The following STX18 variants were observed in gnomAD, a reference collection of about 807,000 sequenced individuals.
STX18 encodes syntaxin 18.
A neutral mutation model predicts 50.1 loss-of-function variants in STX18; 40 were observed. The observed-to-expected ratio is 0.80, with a 90% CI of 0.62 to 1.04. STX18 has a LOEUF of 1.04. STX18 is among the 50% of genes least tolerant of loss of function. The pLI is 0.00. For synonymous variants in STX18, 158 were observed against 151.8 expected (o/e 1.04, Z -0.30); for missense variants, 410 against 415.8 (o/e 0.99, Z 0.12).
rs920916744 is a variant in STX18 at position 4,459,381 on chromosome 4, G to A, written c.343C>T (p.Arg115Ter). The A allele has an allele frequency of 3.1e-6, 5 of 1,612,964 alleles. No homozygotes were observed. The highest frequency in any genetic ancestry group is 4.5e-5 in the East Asian group (2 of 44,886). The change falls in exon 3 of 11, where the codon CGA (arginine) becomes TGA (stop). Residue 115 changes from arginine (R) to a stop codon, truncating the protein, a stop_gained. Transcript: ENST00000306200. LOFTEE classifies it high-confidence loss of function. ...RTCSEAIQQL[R>*]TEAHKEIHSQ... ...TTTCAGAGCACTTTACCTTCTGTTCGTAGTTGCTGAATTGCTTCTGAACAG... is the reference window on the plus strand; with the variant it reads ...TTTCAGAGCACTTTACCTTCTGTTCATAGTTGCTGAATTGCTTCTGAACAG...
In STX18 at chr4:4,507,661, A is replaced by C; in HGVS notation, c.168+34136T>G. 3 of 795,880 alleles carry C rather than the reference A, an allele frequency of 3.8e-6. No individual in the cohort carries two copies. In the South Asian group the frequency reaches 4.0e-5, roughly 11 times the overall value. The allele number at this position is 795,880 out of a possible 1,614,324, so 49.3% of individuals were successfully genotyped here. ...GTGAACTGGATGGCAGCCGGCTCAT[A>C]AAGGTTCGTTTGGACAAAGCCCAGC... On this transcript the variant is annotated intron_variant, in intron 1 of 10. Transcript: ENST00000306200.
At chr4:4,452,191 A>G (rs1230062764) in intron 5 of STX18, among the ~76,000 whole-genome samples, 3 of 152,204 alleles carry the variant, frequency 2.0e-5, no homozygotes, top group Non-Finnish European at 4.4e-5. Context: ...GGAAGCTGCA[A>G]AAGAAAAGTT....
At chr4:4,425,809 T>C (rs559923847) in intron 7 of STX18, 2 of 152,830 alleles carry the variant, frequency 1.3e-5, no homozygotes, top group Non-Finnish European at 2.9e-5. Flanking sequence ...ACGGGTGCCC[T>C]GACACCAGGG....
intron 7 of STX18, among the ~76,000 whole-genome samples, chr4:4,429,197 G>A (rs1460968341): frequency 6.6e-6 from 1 of 152,154 alleles, no homozygotes. Context: ...ATGAACATAT[G>A]CTGAAGGGCT....
intron 7 of STX18, among the ~76,000 whole-genome samples, chr4:4,431,867 C>G (rs1319324083): frequency 2.6e-5 from 4 of 152,200 alleles, no homozygotes. Context: ...CTCCTCATCT[C>G]TCAACCTGAC....
chr4:4,457,895 G>A (rs1052708818), intron 3 of STX18, among the ~76,000 whole-genome samples: 1 of 152,086 alleles, frequency 6.6e-6, no homozygotes, highest in Non-Finnish European at 1.5e-5. Flanking sequence ...AGCCTGTAGT[G>A]CCCCATCCTC....
chr4:4,514,647 C>T (rs1730155937), intron 1 of STX18, among the ~76,000 whole-genome samples: 2 of 152,034 alleles, frequency 1.3e-5, no homozygotes, highest in Admixed American at 6.6e-5. Flanking sequence ...GTCTTTGATC[C>T]GAAGGAGCTT....
intron 1 of STX18, among the ~76,000 whole-genome samples, chr4:4,484,545 T>C (rs1728617331): frequency 6.6e-6 from 1 of 152,092 alleles, no homozygotes; most frequent in African/African-American, 2.4e-5. Context: ...AAATCATCAT[T>C]CAAAAAATGA....
chr4:4,460,776 A>G (rs1272231021), intron 2 of STX18, among the ~76,000 whole-genome samples: 1 of 152,156 alleles, frequency 6.6e-6, no homozygotes, highest in African/African-American at 2.4e-5. Flanking sequence ...GATGGCAACC[A>G]TGAGAGAATG....
At chr4:4,511,735 T>C in intron 1 of STX18, among the ~76,000 whole-genome samples, 1 of 150,354 alleles carries the variant, frequency 6.7e-6, no homozygotes, top group South Asian at 2.1e-4. Flanking sequence ...TGTGTGTGTG[T>C]GTGTGTGTGT....
intron 1 of STX18, among the ~76,000 whole-genome samples, chr4:4,503,382 G>C (rs1182965864): frequency 2.0e-5 from 3 of 152,140 alleles, no homozygotes; most frequent in Admixed American, 6.5e-5. Flanking sequence ...TGATAAAATA[G>C]TGTATTTTTA....
chr4:4,523,182 C>T (rs1403775480), intron 1 of STX18, among the ~76,000 whole-genome samples: 1 of 152,140 alleles, frequency 6.6e-6, no homozygotes, highest in Non-Finnish European at 1.5e-5. Flanking sequence ...GGTGACATTA[C>T]CTCTAATCCA....
At chr4:4,470,635 A>G (rs1419992243) in intron 2 of STX18, among the ~76,000 whole-genome samples, 3 of 152,178 alleles carry the variant, frequency 2.0e-5, no homozygotes, top group African/African-American at 7.2e-5. Flanking sequence ...GAAGAGACCT[A>G]CTTTATAAAG....
chr4:4,447,447 C>T (rs1414946241), intron 5 of STX18, among the ~76,000 whole-genome samples: 24 of 149,600 alleles, frequency 1.6e-4, no homozygotes, highest in South Asian at 8.6e-4. Flanking sequence ...AAAAATTAGC[C>T]GGGCGTGGTA....
chr4:4,465,320 T>C (rs1304358496), intron 2 of STX18, among the ~76,000 whole-genome samples: 1 of 152,224 alleles, frequency 6.6e-6, no homozygotes, highest in Non-Finnish European at 1.5e-5. Flanking sequence ...ATCACTGCAT[T>C]ATTCACAATA....
At chr4:4,512,194 C>T (rs1055055723) in intron 1 of STX18, among the ~76,000 whole-genome samples, 1 of 152,122 alleles carries the variant, frequency 6.6e-6, no homozygotes, top group Non-Finnish European at 1.5e-5. Flanking sequence ...ACTCTCTTAA[C>T]TCCTACTTGT....
rs1245733694 is a variant in STX18, at chr4:4,420,158, T to C, written c.913-29A>G. ...GGCAGGGACGGGAGCACAGGTGTTT[T>C]TATCACACAGGATTTTGGTTTGAGC... On this transcript the variant is annotated intron_variant, in intron 10 of 10. Transcript: ENST00000306200. The surrounding 1 kb of genome is among the most constrained non-coding windows in gnomAD (Gnocchi z 4.3). The C allele has an allele frequency of 1.3e-6, 2 of 1,580,836 alleles. No individual in the cohort carries two copies. The highest frequency in any genetic ancestry group is 2.3e-5 in the East Asian group (1 of 43,156).
intron 1 of STX18, among the ~76,000 whole-genome samples, chr4:4,527,653 G>A (rs1351110909): frequency 1.3e-5 from 2 of 151,684 alleles, no homozygotes; most frequent in East Asian, 1.9e-4. Context: ...CATTTACCAG[G>A]TCATATTTGG....
intron 1 of STX18, among the ~76,000 whole-genome samples, chr4:4,502,865 T>A (rs1202662246): frequency 6.6e-6 from 1 of 152,208 alleles, no homozygotes; most frequent in African/African-American, 2.4e-5. Flanking sequence ...ACATGCCCGA[T>A]GCAATCTCCT....
Sources: allele counts gnomAD v4.1 joint callset (sites outside exome capture counted in the v4.1 genomes callset), GRCh38; gene constraint gnomAD v4.1.1; non-coding constraint Gnocchi (gnomAD v3.1); transcripts MANE v1.5; gene names NCBI Gene and HGNC (gene_info 2026-07-23, HGNC 2026-07-21).